Variants in STK38L observed in about 807,000 individuals in gnomAD.
STK38L encodes serine/threonine-protein kinase 38-like.
STK38L carries 28 observed loss-of-function variants against 59.7 expected under a neutral mutation model. The ratio of observed to expected loss-of-function variants is 0.47; its 90% CI spans 0.35 to 0.64. STK38L has a LOEUF of 0.64. STK38L is among the 30% of genes least tolerant of loss of function. The pLI, the probability that STK38L is intolerant of heterozygous loss-of-function variation, is 0.01. For missense variants in STK38L, 314 were observed against 555.8 expected, an observed-to-expected ratio of 0.56 and a Z score of 4.37; for synonymous variants, 162 against 176.8, an observed-to-expected ratio of 0.92 and a Z score of 0.66.
intron 12 of STK38L, 31 bp from the exon 13 acceptor site, chr12:27,322,112 G>T: frequency 6.3e-7 from 1 of 1,586,396 alleles, no homozygotes. Context: ...TTCAAGAAAA[G>T]TTACCATGCA....
chr12:27,274,224 A>G (rs1943483739), intron 1 of STK38L, among the ~76,000 whole-genome samples: 1 of 106,022 alleles, frequency 9.4e-6, no homozygotes. Flanking sequence ...CAACAGAGCA[A>G]GACTCTGTCA....
At chr12:27,277,189 T>C (rs1358233191) in intron 1 of STK38L, among the ~76,000 whole-genome samples, 1 of 152,096 alleles carries the variant, frequency 6.6e-6, no homozygotes, top group South Asian at 2.1e-4. Context: ...GTGTGAAAAC[T>C]TCACACCCCG....
chr12:27,269,803 C>A (rs1419496825), intron 1 of STK38L, among the ~76,000 whole-genome samples: 1 of 152,058 alleles, frequency 6.6e-6, no homozygotes, highest in Non-Finnish European at 1.5e-5. Context: ...CCACCATGCC[C>A]GGCTGATTTT....
At chr12:27,268,232 A>T (rs1943341210) in intron 1 of STK38L, among the ~76,000 whole-genome samples, 1 of 151,966 alleles carries the variant, frequency 6.6e-6, no homozygotes, top group Non-Finnish European at 1.5e-5. Context: ...TCGTCATTTA[A>T]CATTAGGTAT....
At chr12:27,264,320 A>G (rs1055733433) in intron 1 of STK38L, among the ~76,000 whole-genome samples, 1 of 152,180 alleles carries the variant, frequency 6.6e-6, no homozygotes, top group Admixed American at 6.5e-5. Context: ...TAATGTTACT[A>G]GGGCCTGGAC....
rs534265449 is a variant in STK38L, at chr12:27,325,406, T to C, written c.*2951T>C. 1.3e-5 allele frequency: 2 copies of C among 152,330 alleles called. No individual in the cohort carries two copies. Among genetic ancestry groups the C allele is most frequent in the Non-Finnish European group, 2.9e-5 (2 of 68,006 alleles). The allele number at this position is 152,330 out of a possible 1,614,324, so 9.4% of individuals were successfully genotyped here. The stretch of plus-strand genomic sequence containing the variant: ...TTTAAGTACATTTATTTTTGGTGTT[T>C]TATTGTATAAAACCTTAGACAATCA... On this transcript the variant is annotated 3_prime_UTR_variant, in exon 14 of 14. Coordinates refer to ENST00000389032, the MANE Select transcript of STK38L (RefSeq NM_015000.4).
intron 12 of STK38L, among the ~76,000 whole-genome samples, chr12:27,320,018 T>G (rs1461735): frequency 0.32 from 49,071 of 152,078 alleles, 9,272 homozygotes; most frequent in African/African-American, 0.53. Flanking sequence ...CACTGCTTTC[T>G]TAGGACTGCA....
chr12:27,246,542 T>G (rs977851550), intron 1 of STK38L, among the ~76,000 whole-genome samples: 1 of 152,234 alleles, frequency 6.6e-6, no homozygotes, highest in African/African-American at 2.4e-5. Context: ...TATGCAGAAA[T>G]TATGCTTCTG....
intron 1 of STK38L, among the ~76,000 whole-genome samples, chr12:27,279,049 T>G (rs1279686867): frequency 6.6e-6 from 1 of 152,210 alleles, no homozygotes; most frequent in Non-Finnish European, 1.5e-5. Context: ...AATTTTCAAC[T>G]TTAGGTTGGG....
chr12:27,316,413 A>G lies in STK38L; in HGVS notation c.838-923A>G, dbSNP rs554154313. Among the ~76,000 whole-genome samples, 122 of 152,308 alleles carry G rather than the reference A, an allele frequency of 8.0e-4. 2 individuals carry two copies. The South Asian group carries it at 0.023, about 28-fold the overall frequency. ...GGGAATTCTGTACCCCCCTATTTAC[A>G]AAATATTCATGGGTGATTACTCAGG... On this transcript the variant is annotated intron_variant, in intron 9 of 13. Transcript: ENST00000389032.
At position 27,325,336 on chromosome 12, in the gene STK38L, T is replaced by G. The variant is rs1944816283; in HGVS notation, c.*2881T>G. On this transcript the variant is annotated 3_prime_UTR_variant, in exon 14 of 14. Transcript: ENST00000389032. The stretch of plus-strand genomic sequence containing the variant: ...TTTATTTCTATACTTTTTCTGTTTT[T>G]TAAACACCTGCATATTTTTATGTAA... 6.6e-6 allele frequency: 1 copy of G among 152,188 alleles called. No individual in the cohort carries two copies. The highest frequency in any genetic ancestry group is 1.5e-5 in the Non-Finnish European group (1 of 68,002). The allele number at this position is 152,188 out of a possible 1,614,324, so 9.4% of individuals were successfully genotyped here.
chr12:27,285,862 A>C (rs1943760512), intron 1 of STK38L, among the ~76,000 whole-genome samples: 1 of 152,190 alleles, frequency 6.6e-6, no homozygotes, highest in African/African-American at 2.4e-5. Context: ...TTTATCTTAA[A>C]TAAGACTTGA....
chr12:27,257,419 A>G (rs1943112987), intron 1 of STK38L, among the ~76,000 whole-genome samples: 1 of 152,234 alleles, frequency 6.6e-6, no homozygotes, highest in Non-Finnish European at 1.5e-5. Flanking sequence ...CCACTACCTC[A>G]GATTAATATA....
intron 1 of STK38L, among the ~76,000 whole-genome samples, chr12:27,249,162 A>G (rs1284350683): frequency 6.6e-6 from 1 of 152,206 alleles, no homozygotes; most frequent in Non-Finnish European, 1.5e-5. Flanking sequence ...CTGCTGAGGC[A>G]GGTAGCCTGC....
At chr12:27,258,470 A>C (rs903028112) in intron 1 of STK38L, among the ~76,000 whole-genome samples, 2 of 152,020 alleles carry the variant, frequency 1.3e-5, no homozygotes, top group African/African-American at 4.8e-5. Flanking sequence ...CTGGGATTAC[A>C]GGCCCCTGCC....
chr12:27,281,001 G>C (rs928316049), intron 1 of STK38L, among the ~76,000 whole-genome samples: 7 of 151,328 alleles, frequency 4.6e-5, no homozygotes, highest in African/African-American at 1.5e-4. Context: ...GATCATGTAA[G>C]AGAAGACCAG....
intron 1 of STK38L, among the ~76,000 whole-genome samples, chr12:27,288,425 G>A (rs1591897304): frequency 6.6e-6 from 1 of 152,112 alleles, no homozygotes; most frequent in African/African-American, 2.4e-5. Context: ...GTTACTGGAT[G>A]TATTAATAGA....
At chr12:27,270,821 T>C (rs920431302) in intron 1 of STK38L, among the ~76,000 whole-genome samples, 1 of 152,208 alleles carries the variant, frequency 6.6e-6, no homozygotes, top group African/African-American at 2.4e-5. Context: ...GCTTGAATCT[T>C]AAACTATGAT....
At chr12:27,317,518 T>C in intron 10 of STK38L, 65 bp downstream of exon 10, 1 of 1,243,140 alleles carries the variant, frequency 8.0e-7, no homozygotes, top group African/African-American at 1.5e-5. Flanking sequence ...TGTTTGAACA[T>C]ATTACAGATA....
Sources: allele counts gnomAD v4.1 joint callset (sites outside exome capture counted in the v4.1 genomes callset), GRCh38; gene constraint gnomAD v4.1.1; transcripts MANE v1.5; gene names NCBI Gene and HGNC (gene_info 2026-07-23, HGNC 2026-07-21).